The following XKR9 variants were observed in gnomAD, a reference collection of about 807,000 sequenced individuals.
XKR9 encodes XK-related protein 9.
XKR9 carries 32 observed loss-of-function variants against 32.0 expected under a neutral mutation model. The ratio of observed to expected loss-of-function variants is 1.00; its 90% CI spans 0.76 to 1.34. XKR9 has a LOEUF of 1.34. XKR9 is among the 40% of genes most tolerant of loss of function. The pLI is 0.00. For synonymous variants in XKR9, 168 were observed against 143.4 expected, an observed-to-expected ratio of 1.17 and a Z score of -1.22; for missense variants, 546 against 429.7, an observed-to-expected ratio of 1.27 and a Z score of -2.39.
the XKR9 span, among the ~76,000 whole-genome samples, chr8:70,915,779 A>G: frequency 6.6e-6 from 1 of 152,206 alleles, no homozygotes; most frequent in Non-Finnish European, 1.5e-5. Context: ...ATGGGTATTC[A>G]GAGGACTTGT....
chr8:71,030,149 T>C, the XKR9 span, among the ~76,000 whole-genome samples: 3 of 152,284 alleles, frequency 2.0e-5, no homozygotes, highest in Admixed American at 6.5e-5. Flanking sequence ...CAGGACAGAT[T>C]GCATGCATGG....
At chr8:71,046,279 C>G in the XKR9 span, among the ~76,000 whole-genome samples, 2 of 152,108 alleles carry the variant, frequency 1.3e-5, no homozygotes, top group East Asian at 3.9e-4. Flanking sequence ...TCCCAACAGC[C>G]GATATGAGCC....
chr8:71,009,533 T>C, the XKR9 span, among the ~76,000 whole-genome samples: 3,683 of 152,256 alleles, frequency 0.024, 148 homozygotes, highest in African/African-American at 0.084. Flanking sequence ...GATGGGGCGA[T>C]TGTTACTTTT....
chr8:70,696,500 C>T (rs1159630969), intron 3 of XKR9, among the ~76,000 whole-genome samples: 10 of 149,292 alleles, frequency 6.7e-5, no homozygotes, highest in South Asian at 2.2e-4. Flanking sequence ...TGTAGATATG[C>T]GGCGTTATTT....
At chr8:70,836,607 T>A in the XKR9 span, among the ~76,000 whole-genome samples, 828 of 152,206 alleles carry the variant, frequency 5.4e-3, 6 homozygotes, top group African/African-American at 0.019. Context: ...TTCTATTGAT[T>A]GATATTTGGG....
At chr8:70,916,635 T>C in the XKR9 span, among the ~76,000 whole-genome samples, 1,846 of 152,358 alleles carry the variant, frequency 0.012, 43 homozygotes, top group African/African-American at 0.042. Context: ...TTCTTGATCC[T>C]TGGCACTTCT....
chr8:70,723,351 A>G (rs901216271), intron 4 of XKR9, among the ~76,000 whole-genome samples: 1 of 152,042 alleles, frequency 6.6e-6, no homozygotes, highest in African/African-American at 2.4e-5. Context: ...CCCTTGCTGG[A>G]GAGGAGCCAC....
chr8:70,902,285 G>A, the XKR9 span, among the ~76,000 whole-genome samples: 2 of 152,172 alleles, frequency 1.3e-5, no homozygotes, highest in Non-Finnish European at 2.9e-5. Flanking sequence ...CTATCCATGA[G>A]CATGGAATGT....
At chr8:70,705,620 G>C (rs1489436496) in intron 3 of XKR9, among the ~76,000 whole-genome samples, 1 of 152,146 alleles carries the variant, frequency 6.6e-6, no homozygotes, top group Non-Finnish European at 1.5e-5. Flanking sequence ...TGGAAAGGTA[G>C]TTGTGGTGGT....
the XKR9 span, among the ~76,000 whole-genome samples, chr8:71,040,374 G>A: frequency 2.0e-5 from 3 of 152,124 alleles, no homozygotes; most frequent in South Asian, 2.1e-4. Context: ...TAAAATTGCC[G>A]TTTTTATTGG....
chr8:70,897,993 A>G, the XKR9 span, among the ~76,000 whole-genome samples: 1 of 152,208 alleles, frequency 6.6e-6, no homozygotes, highest in Non-Finnish European at 1.5e-5. Flanking sequence ...GCCCACTTCA[A>G]TGTCCTGAAG....
the XKR9 span, among the ~76,000 whole-genome samples, chr8:70,950,163 G>T: frequency 6.6e-6 from 1 of 152,146 alleles, no homozygotes; most frequent in Non-Finnish European, 1.5e-5. Flanking sequence ...ACTGTTGAAG[G>T]CACAGTGGTG....
the XKR9 span, among the ~76,000 whole-genome samples, chr8:70,861,007 T>C: frequency 6.6e-6 from 1 of 152,196 alleles, no homozygotes; most frequent in African/African-American, 2.4e-5. Context: ...GCCTTTATAT[T>C]GTCTGTCTTC....
At chr8:70,670,845 A>G (rs944471659) in intron 1 of XKR9, among the ~76,000 whole-genome samples, 4 of 152,148 alleles carry the variant, frequency 2.6e-5, no homozygotes, top group South Asian at 2.1e-4. Context: ...CAATCTGTCA[A>G]TATGTATTTA....
At chr8:70,885,088 C>CTT in the XKR9 span, among the ~76,000 whole-genome samples, 1 of 148,850 alleles carries the variant, frequency 6.7e-6, no homozygotes, top group Admixed American at 6.7e-5. Flanking sequence ...AGATCTTATA[C>CTT]TTTTTTTTTT....
At chr8:70,756,580 C>G (rs1245342833) in intron 2 of XKR9, among the ~76,000 whole-genome samples, 9 of 152,104 alleles carry the variant, frequency 5.9e-5, no homozygotes, top group Admixed American at 5.9e-4. Flanking sequence ...TTTTGTACTT[C>G]TGTTAAATTT....
the XKR9 span, among the ~76,000 whole-genome samples, chr8:71,062,287 G>T: frequency 1.3e-5 from 2 of 152,142 alleles, no homozygotes; most frequent in South Asian, 4.1e-4. Flanking sequence ...TTATTTTAAT[G>T]ATTTTAATTT....
At chr8:70,812,190 C>T in the XKR9 span, among the ~76,000 whole-genome samples, 10 of 152,158 alleles carry the variant, frequency 6.6e-5, no homozygotes, top group Non-Finnish European at 8.8e-5. Context: ...AAGACAAAAA[C>T]CACATGATTA....
the XKR9 span, among the ~76,000 whole-genome samples, chr8:71,013,734 G>A: frequency 6.6e-6 from 1 of 152,120 alleles, no homozygotes; most frequent in Non-Finnish European, 1.5e-5. Flanking sequence ...TGACTGCTTC[G>A]GGGGGTTCAG....
Sources: gnomAD v4.1 joint callset for allele counts (sites outside exome capture counted in the v4.1 genomes callset) on GRCh38, gnomAD v4.1.1 for gene constraint, MANE v1.5 for transcripts, NCBI Gene and HGNC (gene_info 2026-07-23, HGNC 2026-07-21) for gene names.